The following ESR1 variants were observed in gnomAD, a reference collection of about 807,000 sequenced individuals.
The protein encoded by ESR1 is estrogen receptor.
A neutral mutation model predicts 52.7 loss-of-function variants in ESR1; 12 were observed. The ratio of observed to expected loss-of-function variants is 0.23; its 90% CI spans 0.15 to 0.37. ESR1 has a LOEUF of 0.37. Ranked by LOEUF, ESR1 falls within the 10% of genes least tolerant of loss-of-function variation. ESR1 has a pLI of 1.00. For synonymous variants in ESR1, 305 were observed against 316.8 expected (o/e 0.96, Z 0.39); for missense variants, 584 against 779.7 (o/e 0.75, Z 2.99).
At chr6:151,806,064 T>C (rs1777785965), upstream of ESR1, among the ~76,000 whole-genome samples, 1 of 152,200 alleles carries the variant, frequency 6.6e-6, no homozygotes, top group African/African-American at 2.4e-5. Flanking sequence ...AAAAGGCATT[T>C]GAAAATTGAA....
chr6:151,917,277 C>T (rs2030465658), intron 3 of ESR1, among the ~76,000 whole-genome samples: 1 of 152,156 alleles, frequency 6.6e-6, no homozygotes, highest in South Asian at 2.1e-4. Flanking sequence ...ACTTTACAGG[C>T]TGAACCTTGG....
At chr6:151,939,271 C>T (rs1359951590) in intron 3 of ESR1, among the ~76,000 whole-genome samples, 1 of 152,102 alleles carries the variant, frequency 6.6e-6, no homozygotes, top group Non-Finnish European at 1.5e-5. Flanking sequence ...TTTTTTTCCT[C>T]TGCTTTATGA....
At chr6:152,041,790 G>T (rs1418499457) in intron 5 of ESR1, among the ~76,000 whole-genome samples, 1 of 152,196 alleles carries the variant, frequency 6.6e-6, no homozygotes, top group African/African-American at 2.4e-5. Flanking sequence ...AAGGTATATT[G>T]CTGGCCTTGC....
At chr6:152,123,874 C>T (rs2052354772) in intron 6 of ESR1, among the ~76,000 whole-genome samples, 1 of 152,166 alleles carries the variant, frequency 6.6e-6, no homozygotes, top group Non-Finnish European at 1.5e-5. Context: ...ATGTTTGTAG[C>T]TCACCTATTA....
chr6:151,758,984 A>C (rs1274252895), intron 2 of ESR1, among the ~76,000 whole-genome samples: 2 of 151,620 alleles, frequency 1.3e-5, no homozygotes, highest in African/African-American at 4.8e-5. Context: ...GGTCTAGAAA[A>C]CCAAACATAA....
intron 6 of ESR1, among the ~76,000 whole-genome samples, chr6:152,065,174 G>A (rs560106145): frequency 6.6e-5 from 10 of 152,188 alleles, no homozygotes; most frequent in Non-Finnish European, 1.3e-4. Context: ...CAATAGAGAC[G>A]ACCATGGCTG....
At chr6:151,904,434 T>A (rs974717395) in intron 3 of ESR1, among the ~76,000 whole-genome samples, 1 of 152,206 alleles carries the variant, frequency 6.6e-6, no homozygotes, top group Non-Finnish European at 1.5e-5. Context: ...TGTGTTTTTC[T>A]CTTTAGATTA....
intron 1 of ESR1, among the ~76,000 whole-genome samples, chr6:151,827,235 G>C (rs1781648274): frequency 6.6e-6 from 1 of 151,570 alleles, no homozygotes; most frequent in Non-Finnish European, 1.5e-5. Flanking sequence ...GGCTGAGATG[G>C]GAGGATCAAA....
At chr6:151,674,730 G>GT (rs1778194326) in intron 1 of ESR1, among the ~76,000 whole-genome samples, 1 of 152,146 alleles carries the variant, frequency 6.6e-6, no homozygotes, top group Non-Finnish European at 1.5e-5. Context: ...TCTAACTGGC[G>GT]TGAGACGGTA....
chr6:151,790,588 T>C (rs1037376225), intron 2 of ESR1, among the ~76,000 whole-genome samples: 1 of 151,982 alleles, frequency 6.6e-6, no homozygotes, highest in Non-Finnish European at 1.5e-5. Context: ...TGCTGCTTTT[T>C]TTTTTTTTAA....
intron 3 of ESR1, among the ~76,000 whole-genome samples, chr6:151,917,750 G>T (rs9340890): frequency 6.6e-6 from 1 of 152,116 alleles, no homozygotes; most frequent in Non-Finnish European, 1.5e-5. Context: ...TATGAGGGCT[G>T]CCTCCTTGGT....
At chr6:151,701,002 G>A (rs1397880903) in intron 1 of ESR1, among the ~76,000 whole-genome samples, 1 of 152,092 alleles carries the variant, frequency 6.6e-6, no homozygotes, top group Non-Finnish European at 1.5e-5. Context: ...AATTTTACAT[G>A]TAATTAAAAA....
chr6:151,892,063 A>G (rs1794776235), intron 3 of ESR1, among the ~76,000 whole-genome samples: 1 of 152,232 alleles, frequency 6.6e-6, no homozygotes, highest in Non-Finnish European at 1.5e-5. Flanking sequence ...ATATAAAAAC[A>G]TCATTTTGTC....
At chr6:151,798,396 C>T (rs1382457708) in intron 2 of ESR1, among the ~76,000 whole-genome samples, 1 of 152,012 alleles carries the variant, frequency 6.6e-6, no homozygotes, top group Non-Finnish European at 1.5e-5. Context: ...ACAATTTGTG[C>T]CATTAGCCAT....
intron 2 of ESR1, among the ~76,000 whole-genome samples, chr6:151,762,606 T>A (rs1408742195): frequency 6.6e-6 from 1 of 152,210 alleles, no homozygotes; most frequent in Non-Finnish European, 1.5e-5. Context: ...TTGAGAATCA[T>A]ACAGGTAAAG....
chr6:151,716,972 A>C (rs530780510), intron 2 of ESR1, among the ~76,000 whole-genome samples: 1 of 152,290 alleles, frequency 6.6e-6, no homozygotes, highest in Admixed American at 6.5e-5. Context: ...ATAGGCACCC[A>C]AGGGAGTCTC....
intron 3 of ESR1, among the ~76,000 whole-genome samples, chr6:151,899,416 A>C (rs1236627186): frequency 8.8e-6 from 1 of 113,950 alleles, no homozygotes; most frequent in Non-Finnish European, 1.8e-5. Flanking sequence ...ACTTCCCAGT[A>C]GGGGCGGCTG....
intron 1 of ESR1, among the ~76,000 whole-genome samples, chr6:151,841,009 C>G (rs1473985138): frequency 6.6e-6 from 1 of 152,120 alleles, no homozygotes; most frequent in Non-Finnish European, 1.5e-5. Flanking sequence ...GCGAGAGATG[C>G]AAACTCATCT....
intron 1 of ESR1, among the ~76,000 whole-genome samples, chr6:151,673,930 A>G (rs1053336609): frequency 2.6e-5 from 4 of 152,174 alleles, no homozygotes; most frequent in African/African-American, 9.7e-5. Flanking sequence ...GTGTGTGTTT[A>G]CACATCTATC....
Sources: gnomAD v4.1 joint callset for allele counts (sites outside exome capture counted in the v4.1 genomes callset) on GRCh38, gnomAD v4.1.1 for gene constraint, MANE v1.5 for transcripts, NCBI Gene and HGNC (gene_info 2026-07-23, HGNC 2026-07-21) for gene names.